Variants in CD109 observed in about 807,000 individuals in gnomAD.
The protein encoded by CD109 is CD109 molecule, also known as CD109 antigen.
A neutral mutation model predicts 165.8 loss-of-function variants in CD109; 149 were observed. The observed-to-expected ratio is 0.90, with a 90% confidence interval of 0.79 to 1.03. CD109 has a LOEUF of 1.03. Among genes scored for constraint, CD109 ranks in the 50% least tolerant of loss-of-function variants. The pLI, the probability that CD109 is intolerant of heterozygous loss-of-function variation, is 0.00. For synonymous variants in CD109, 585 were observed against 592.1 expected, an observed-to-expected ratio of 0.99 and a Z score of 0.18; for missense variants, 1,712 against 1,677.8, an observed-to-expected ratio of 1.02 and a Z score of -0.36.
At chr6:73,754,165 A>G (rs569814097) in intron 5 of CD109, among the ~76,000 whole-genome samples, 58 of 152,344 alleles carry the variant, frequency 3.8e-4, no homozygotes, top group Middle Eastern at 3.4e-3. Context: ...TCTGTCAGAA[A>G]TTCAGATGGA....
At chr6:73,783,668 T>C in intron 18 of CD109, 39 bp from the exon 19 acceptor site, 1 of 1,183,198 alleles carries the variant, frequency 8.5e-7, no homozygotes, top group Non-Finnish European at 1.3e-6. Context: ...GTATCAGTTC[T>C]TGGTTTTGTG....
chr6:73,699,542 C>G (rs1002095903), intron 2 of CD109, among the ~76,000 whole-genome samples: 1 of 152,082 alleles, frequency 6.6e-6, no homozygotes, highest in Non-Finnish European at 1.5e-5. Flanking sequence ...TGTTATCAGT[C>G]TCTCTTTTTT....
intron 5 of CD109, among the ~76,000 whole-genome samples, chr6:73,751,274 T>G (rs1373916682): frequency 6.6e-6 from 1 of 152,216 alleles, no homozygotes; most frequent in Non-Finnish European, 1.5e-5. Flanking sequence ...TTTTTCCTTT[T>G]TAGAACTCCT....
rs374538782 is a variant in CD109, at chr6:73,806,955, C to T, written c.3072C>T (p.Asn1024=). The stretch of plus-strand genomic sequence containing the variant: ...GGCTTAAAGGACATCAGAAATCCAA[C>T]GGTGAATTTTGGGATCCAGGAAGAG... ...YTWLKGHQKS[N]GEFWDPGRVI... The change falls in exon 25 of 33, where the codon AAC becomes AAT. Residue 1024 remains asparagine, a synonymous_variant. Coordinates refer to ENST00000287097, the MANE Select transcript of CD109 (RefSeq NM_133493.5). 7.2e-5 allele frequency: 117 copies of T among 1,613,902 alleles called. No individual in the cohort carries two copies. The highest frequency in any genetic ancestry group is 3.3e-4 in the Middle Eastern group (2 of 6,060).
Position 73,783,778 on chromosome 6 carries a change from T to A in CD109, c.2177T>A (p.Val726Glu). ...SITSWVATGF[V>E]ISEDLGLGLT... Reference sequence around the variant, plus strand: ...ACTTCTTGGGTGGCTACTGGTTTTGTGATCTCTGAGGACCTGGGTCTTGGA... The same window carrying A: ...ACTTCTTGGGTGGCTACTGGTTTTGAGATCTCTGAGGACCTGGGTCTTGGA... The change falls in exon 19 of 33, where the codon GTG (valine) becomes GAG (glutamate). Residue 726 changes from valine (V) to glutamate (E), a missense_variant. Transcript: ENST00000287097. 1 of 1,613,192 alleles carries A rather than the reference T, an allele frequency of 6.2e-7. No homozygotes were observed. Among genetic ancestry groups the A allele is most frequent in the East Asian group, 2.2e-5 (1 of 44,814 alleles).
chr6:73,812,405 T>G (rs1262892793), intron 29 of CD109, 135 bp downstream of exon 29: 3 of 581,750 alleles, frequency 5.2e-6, no homozygotes, highest in Non-Finnish European at 9.0e-6. Context: ...GCAAGATATA[T>G]CACTGTCTTT....
chr6:73,739,238 G>A (rs1486132626), intron 5 of CD109, among the ~76,000 whole-genome samples: 1 of 151,970 alleles, frequency 6.6e-6, no homozygotes, highest in East Asian at 1.9e-4. Context: ...GTTAATTTGA[G>A]GCATTCAGCT....
chr6:73,679,379 T>C, the CD109 span, among the ~76,000 whole-genome samples: 1 of 152,056 alleles, frequency 6.6e-6, no homozygotes, highest in Non-Finnish European at 1.5e-5. Context: ...ATTGTTAATA[T>C]AAATTTTGGA....
upstream of CD109, among the ~76,000 whole-genome samples, chr6:73,693,743 GT>G (rs1770731378): frequency 6.6e-6 from 1 of 152,012 alleles, no homozygotes; most frequent in Non-Finnish European, 1.5e-5. Flanking sequence ...TAGAGACAGG[GT>G]TTCACCATTT....
Position 73,799,551 on chromosome 6 carries a change from G to A in CD109, c.2879-3669G>A, listed in dbSNP as rs141792010. 5.6e-4 allele frequency among the ~76,000 whole-genome samples: 86 copies of A among 152,294 alleles called. 1 individual carries two copies. The highest frequency in any genetic ancestry group is 2.0e-3 in the African/African-American group (83 of 41,572). ...AGGAAGCTTACAGTTGTGGCAGAAG[G>A]TGAACTGGGAACAGGCACATCACAT... On this transcript the variant is annotated intron_variant, in intron 23 of 32. Transcript: ENST00000287097.
At chr6:73,820,303 A>G (rs143352672) in intron 31 of CD109, among the ~76,000 whole-genome samples, 158 bp from the exon 32 acceptor site, 53 of 152,300 alleles carry the variant, frequency 3.5e-4, no homozygotes, top group African/African-American at 1.2e-3. Flanking sequence ...GTTAAATAAG[A>G]TAGTTCATAG....
At chr6:73,683,623 G>A in the CD109 span, among the ~76,000 whole-genome samples, 1 of 152,108 alleles carries the variant, frequency 6.6e-6, no homozygotes, top group African/African-American at 2.4e-5. Context: ...CACTCTACTG[G>A]TACCAATTTA....
chr6:73,724,894 G>A (rs1246099288), intron 3 of CD109, among the ~76,000 whole-genome samples: 2 of 152,120 alleles, frequency 1.3e-5, no homozygotes, highest in Non-Finnish European at 1.5e-5. Context: ...GAACCACCAT[G>A]CCTGGCCCAC....
At position 73,788,567 on chromosome 6, in the gene CD109, C is replaced by T. The variant is rs764564642; in HGVS notation, c.2656C>T (p.Pro886Ser). 2.5e-5 allele frequency: 40 copies of T among 1,613,348 alleles called. No homozygotes were observed. In the African/African-American group the frequency reaches 4.1e-4, roughly 17 times the overall value. ...TLKTLSFSFP[P>S]NTVTGSERVQ... ...GAAAACTTTGAGTTTCTCATTTCCT[C>T]CTAATACAGTGACTGGCAGTGAAAG... is the stretch of plus-strand genomic sequence containing the variant. The change falls in exon 22 of 33, where the codon CCT (proline) becomes TCT (serine). Residue 886 changes from proline to serine, a missense_variant. By Grantham distance (74) the Pro-to-Ser change is moderately conservative. Transcript: ENST00000287097.
At chr6:73,781,382 T>C (rs1185124010) in intron 17 of CD109, 63 bp downstream of exon 17, 2 of 1,296,686 alleles carry the variant, frequency 1.5e-6, no homozygotes, top group African/African-American at 2.9e-5. Flanking sequence ...ATTACTTATA[T>C]AGGTATGGAT....
chr6:73,815,039 A>C lies in CD109; in HGVS notation c.3827A>C (p.Gln1276Pro). The C allele has an allele frequency of 6.3e-7, 1 of 1,588,398 alleles. No individual in the cohort carries two copies. Among genetic ancestry groups the C allele is most frequent in the Non-Finnish European group, 8.5e-7 (1 of 1,171,450 alleles). Residue 1276 changes from glutamine to proline, a missense_variant, in exon 30 of 33, where the codon CAA (glutamine) becomes CCA (proline). Physicochemically the swap from Gln to Pro is moderately conservative, Grantham distance 76. Transcript: ENST00000287097. ...TCTTCTAGAAGACGAAGATCTATCC[A>C]AAATCAAGAAGCCTTTGATTTAGAT... ...SGSSRRRRSIQNQEAFDLDVA... is the reference protein window; with the variant it reads ...SGSSRRRRSIPNQEAFDLDVA...
intron 2 of CD109, among the ~76,000 whole-genome samples, chr6:73,709,489 T>G (rs911663447): frequency 3.3e-5 from 5 of 152,204 alleles, no homozygotes; most frequent in Non-Finnish European, 7.3e-5. Context: ...TGTGAGTTGT[T>G]TTTTGGTTCC....
intron 2 of CD109, among the ~76,000 whole-genome samples, chr6:73,717,253 A>G (rs564490161): frequency 6.7e-6 from 1 of 148,882 alleles, no homozygotes; most frequent in South Asian, 2.1e-4. Flanking sequence ...GGCTTTGGCT[A>G]TTCTGGGTCT....
At chr6:73,766,271 GTT>G in intron 11 of CD109, 117 bp downstream of exon 11, 1 of 790,502 alleles carries the variant, frequency 1.3e-6, no homozygotes, top group Non-Finnish European at 2.0e-6. Context: ...ACATGTTTCT[GTT>G]TCACAAAATG....
Sources: allele counts gnomAD v4.1 joint callset (sites outside exome capture counted in the v4.1 genomes callset), GRCh38; gene constraint gnomAD v4.1.1; transcripts MANE v1.5; gene names NCBI Gene and HGNC (gene_info 2026-07-23, HGNC 2026-07-21).